SGCD: variants seen among roughly 807,000 people sequenced by gnomAD.
SGCD encodes the protein sarcoglycan delta, also known as delta-sarcoglycan.
A neutral mutation model predicts 36.6 loss-of-function variants in SGCD; 18 were observed. That is an observed-to-expected ratio of 0.49 (90% CI 0.34 to 0.73). SGCD has a LOEUF of 0.73. Ranked by LOEUF, SGCD falls within the 30% of genes least tolerant of loss-of-function variation. The pLI is 0.01. For missense variants in SGCD, 387 were observed against 346.7 expected (o/e 1.12, Z -0.92); for synonymous variants, 133 against 130.6 (o/e 1.02, Z -0.12).
At chr5:156,377,746 C>G (rs1171960118) in intron 3 of SGCD, among the ~76,000 whole-genome samples, 1 of 152,108 alleles carries the variant, frequency 6.6e-6, no homozygotes, top group East Asian at 1.9e-4. Flanking sequence ...ATTAGGTACC[C>G]CCATTCTTGG....
chr5:156,714,956 G>T (rs1755154059), intron 7 of SGCD, among the ~76,000 whole-genome samples: 1 of 152,158 alleles, frequency 6.6e-6, no homozygotes, highest in Non-Finnish European at 1.5e-5. Context: ...AATATCGGGA[G>T]TGCAAGCACT....
intron 3 of SGCD, among the ~76,000 whole-genome samples, chr5:156,257,291 G>T (rs951382030): frequency 3.3e-5 from 5 of 151,868 alleles, no homozygotes; most frequent in African/African-American, 1.2e-4. Context: ...TGGCTAACAC[G>T]GTGAAACCCC....
chr5:156,648,011 A>T (rs150066107), intron 7 of SGCD, among the ~76,000 whole-genome samples: 40 of 152,294 alleles, frequency 2.6e-4, no homozygotes, highest in Middle Eastern at 6.8e-3. Flanking sequence ...TCAAATATTC[A>T]TAAATGTGCT....
At chr5:156,320,110 TG>T in intron 3 of SGCD, among the ~76,000 whole-genome samples, 1 of 151,660 alleles carries the variant, frequency 6.6e-6, no homozygotes, top group South Asian at 2.1e-4. Context: ...TGTGTGTGTG[TG>T]TGTGTGTGTG....
rs1392157393 is a variant in SGCD at position 156,376,081 on chromosome 5, G to A, written c.192+31404G>A. Among the ~76,000 whole-genome samples, 8 of 152,126 alleles carry A rather than the reference G, an allele frequency of 5.3e-5. No individual in the cohort carries two copies. The East Asian group carries it at 1.3e-3, about 26-fold the overall frequency. On this transcript the variant is annotated intron_variant, in intron 3 of 8. Transcript: ENST00000337851. Reference sequence around the variant, plus strand: ...AGGCAAACACTAGATTCTGTAACAGGCAAATCTATGTCAGCAGTTTAACAA... The same window carrying A: ...AGGCAAACACTAGATTCTGTAACAGACAAATCTATGTCAGCAGTTTAACAA...
chr5:156,077,805 G>A (rs751915990), intron 1 of SGCD, among the ~76,000 whole-genome samples: 9 of 152,032 alleles, frequency 5.9e-5, no homozygotes, highest in Non-Finnish European at 1.0e-4. Context: ...AGGCACTCCC[G>A]GCAAGGTCGG....
chr5:156,162,861 C>T (rs1382003248), intron 3 of SGCD, among the ~76,000 whole-genome samples: 4 of 151,596 alleles, frequency 2.6e-5, no homozygotes, highest in African/African-American at 7.3e-5. Flanking sequence ...AAATCCTTAA[C>T]TTGAATGGGT....
chr5:156,497,170 ACTCTCTCTCTCTCTCTCTCTCT>A (rs10559912), intron 3 of SGCD, among the ~76,000 whole-genome samples: 1 of 145,274 alleles, frequency 6.9e-6, no homozygotes, highest in African/African-American at 2.5e-5. Flanking sequence ...ACTCTCCTGC[ACTCTCTCTCTCTCTCTCTCTCT>A]CTCTCTCTCT....
intron 1 of SGCD, among the ~76,000 whole-genome samples, chr5:155,929,922 C>T (rs1257527125): frequency 1.3e-5 from 2 of 152,122 alleles, no homozygotes; most frequent in Non-Finnish European, 2.9e-5. Context: ...TCATTCTCTC[C>T]CTTCTCCTTC....
chr5:156,729,308 T>G lies in SGCD; in HGVS notation c.576-28273T>G, dbSNP rs1755938941. On this transcript the variant is annotated intron_variant, in intron 7 of 8. Transcript: ENST00000337851. ...TTCTTATAGCCACATGCCTTTACCATCCCCCTGACTGGCATTGACAGTAAG... is the reference window on the plus strand; with the variant it reads ...TTCTTATAGCCACATGCCTTTACCAGCCCCCTGACTGGCATTGACAGTAAG... 3.9e-5 allele frequency among the ~76,000 whole-genome samples: 6 copies of G among 152,104 alleles called. No homozygotes were observed. In the South Asian group the frequency reaches 1.2e-3, roughly 32 times the overall value.
intron 3 of SGCD, among the ~76,000 whole-genome samples, chr5:156,465,801 G>A (rs142622395): frequency 3.3e-5 from 5 of 152,176 alleles, no homozygotes; most frequent in Non-Finnish European, 7.3e-5. Flanking sequence ...ATTTGGCACC[G>A]GAGGAAATTC....
intron 7 of SGCD, among the ~76,000 whole-genome samples, chr5:156,680,780 A>G (rs1026689997): frequency 1.3e-5 from 2 of 152,212 alleles, no homozygotes; most frequent in African/African-American, 4.8e-5. Flanking sequence ...AGGTAGAAGC[A>G]CTTCAGCAGG....
intron 3 of SGCD, among the ~76,000 whole-genome samples, chr5:156,433,375 A>G (rs1753106421): frequency 6.6e-6 from 1 of 152,156 alleles, no homozygotes; most frequent in African/African-American, 2.4e-5. Context: ...CCCAAACACC[A>G]TTCTAACGGT....
At chr5:156,753,029 T>C (rs1471447228) in intron 7 of SGCD, among the ~76,000 whole-genome samples, 1 of 152,128 alleles carries the variant, frequency 6.6e-6, no homozygotes, top group African/African-American at 2.4e-5. Context: ...GAGCCGTGCT[T>C]CTCAAAGTGT....
chr5:155,934,376 T>A (rs1272850311), intron 1 of SGCD, among the ~76,000 whole-genome samples: 2 of 152,206 alleles, frequency 1.3e-5, no homozygotes, highest in East Asian at 1.9e-4. Flanking sequence ...TTTTTAACGA[T>A]CTTTTTTTGC....
intron 3 of SGCD, among the ~76,000 whole-genome samples, chr5:156,218,620 T>G (rs1417437340): frequency 6.6e-6 from 1 of 152,190 alleles, no homozygotes; most frequent in African/African-American, 2.4e-5. Flanking sequence ...GCCTGAATTT[T>G]GTGTGAGAAA....
chr5:156,583,330 T>A (rs1391883479), intron 4 of SGCD, among the ~76,000 whole-genome samples: 2 of 152,166 alleles, frequency 1.3e-5, no homozygotes, highest in Non-Finnish European at 2.9e-5. Flanking sequence ...GCTCAGTAAA[T>A]GGCTGTTGCC....
intron 7 of SGCD, among the ~76,000 whole-genome samples, chr5:156,700,165 A>G (rs538462448): frequency 6.6e-6 from 1 of 152,258 alleles, no homozygotes; most frequent in Admixed American, 6.5e-5. Context: ...CCAAAGAACA[A>G]CATACACTCA....
intron 3 of SGCD, among the ~76,000 whole-genome samples, chr5:156,385,862 A>C (rs1253548637): frequency 6.6e-6 from 1 of 152,206 alleles, no homozygotes; most frequent in Non-Finnish European, 1.5e-5. Context: ...ATTTACATGT[A>C]TTATCTCCTA....
Sources: gnomAD v4.1 joint callset for allele counts (sites outside exome capture counted in the v4.1 genomes callset) on GRCh38, gnomAD v4.1.1 for gene constraint, MANE v1.5 for transcripts, NCBI Gene and HGNC (gene_info 2026-07-23, HGNC 2026-07-21) for gene names.